Variants in NHERF2 observed in about 807,000 individuals in gnomAD.
NHERF2 encodes NHERF family PDZ scaffold protein 2, also known as Na(+)/H(+) exchange regulatory cofactor NHE-RF2.
At chr16:2,032,014 C>T in the NHERF2 span, among the ~76,000 whole-genome samples, 2 of 147,640 alleles carry the variant, frequency 1.4e-5, no homozygotes. This position sits in a 1 kb window ranked among gnomAD's most constrained non-coding sequence, Gnocchi z 4.0. Flanking sequence ...GGTTTCATTT[C>T]TTTCTTTCTT....
At chr16:2,031,942 T>C in the NHERF2 span, among the ~76,000 whole-genome samples, 1 of 151,910 alleles carries the variant, frequency 6.6e-6, no homozygotes, top group African/African-American at 2.4e-5. Flanking sequence ...TCTGCCCTCC[T>C]CGACCTCCCA....
At chr16:2,038,014 GA>G in the NHERF2 span, 1 of 1,612,024 alleles carries the variant, frequency 6.2e-7, no homozygotes, top group Non-Finnish European at 8.5e-7. Context: ...GGGACCCTGG[GA>G]CCCCTCCCGC....
chr16:2,036,600 T>C, the NHERF2 span: 1 of 1,521,230 alleles, frequency 6.6e-7, no homozygotes, highest in Non-Finnish European at 8.8e-7. Flanking sequence ...GCTGGGAACC[T>C]GAGCTGGTGC....
the NHERF2 span, chr16:2,038,400 ACCCCCCCCCTTC>A: frequency 3.0e-5 from 10 of 334,708 alleles, no homozygotes; most frequent in South Asian, 1.4e-4. Flanking sequence ...AATACCAGAG[ACCCCCCCCCTTC>A]CCCTCCCCCT....
the NHERF2 span, chr16:2,037,870 C>G: frequency 1.2e-6 from 2 of 1,604,460 alleles, no homozygotes; most frequent in East Asian, 4.5e-5. Flanking sequence ...AGAGCGGCCT[C>G]CACCTGAGCC....
chr16:2,036,865 C>T, the NHERF2 span: 59 of 1,610,432 alleles, frequency 3.7e-5, no homozygotes, highest in Middle Eastern at 1.7e-4. Context: ...TCACACCCAC[C>T]GAGGAGCACG....
chr16:2,028,524 A>G, the NHERF2 span, among the ~76,000 whole-genome samples: 1 of 152,200 alleles, frequency 6.6e-6, no homozygotes, highest in African/African-American at 2.4e-5. Flanking sequence ...AGGGGCAGTT[A>G]CTGCCCCATT....
chr16:2,032,819 G>T, the NHERF2 span: 1 of 997,400 alleles, frequency 1.0e-6, no homozygotes, highest in African/African-American at 1.7e-5. This position sits in a 1 kb window ranked among gnomAD's most constrained non-coding sequence, Gnocchi z 4.0. Context: ...GGCCAGCGGT[G>T]CCAGGCCCTG....
the NHERF2 span, chr16:2,037,544 G>C: frequency 6.2e-7 from 1 of 1,611,350 alleles, no homozygotes. Flanking sequence ...CCAGCTCAAT[G>C]GTGGCTCTGC....
the NHERF2 span, among the ~76,000 whole-genome samples, chr16:2,035,195 G>A: frequency 6.6e-6 from 1 of 152,144 alleles, no homozygotes; most frequent in Admixed American, 6.5e-5. Flanking sequence ...TGAGCCCAGG[G>A]GACAGAGCAC....
the NHERF2 span, among the ~76,000 whole-genome samples, chr16:2,033,733 C>T: frequency 2.6e-5 from 4 of 152,016 alleles, no homozygotes; most frequent in East Asian, 1.9e-4. Flanking sequence ...TGGCGGGAGG[C>T]GGCAGGAAGT....
chr16:2,029,755 C>T, the NHERF2 span: 1 of 1,553,834 alleles, frequency 6.4e-7, no homozygotes, highest in Non-Finnish European at 8.7e-7. Flanking sequence ...CACACACCGG[C>T]AGCCACAGCT....
At chr16:2,028,106 AC>A in the NHERF2 span, among the ~76,000 whole-genome samples, 6 of 152,080 alleles carry the variant, frequency 3.9e-5, no homozygotes, top group South Asian at 1.2e-3. Context: ...GCGTCCACAC[AC>A]CCCTTTTCCT....
At chr16:2,031,138 C>T in the NHERF2 span, among the ~76,000 whole-genome samples, 3 of 152,258 alleles carry the variant, frequency 2.0e-5, no homozygotes, top group East Asian at 3.9e-4. Context: ...GAGCTGAGCC[C>T]GGGGGGAGCG....
the NHERF2 span, chr16:2,035,633 A>C: frequency 1.0e-6 from 1 of 986,174 alleles, no homozygotes; most frequent in Non-Finnish European, 1.2e-6. Context: ...GGAGGTGGTC[A>C]TTGGGCCTGG....
At chr16:2,032,054 C>T in the NHERF2 span, among the ~76,000 whole-genome samples, 5 of 148,408 alleles carry the variant, frequency 3.4e-5, no homozygotes, top group African/African-American at 1.0e-4. This position sits in a 1 kb window ranked among gnomAD's most constrained non-coding sequence, Gnocchi z 4.0. Flanking sequence ...GAGTTTCACT[C>T]TGTCGCCCAG....
chr16:2,035,788 C>G, the NHERF2 span: 2,136 of 695,026 alleles, frequency 3.1e-3, 6 homozygotes, highest in Non-Finnish European at 3.5e-3. Flanking sequence ...CTGCCCCAGC[C>G]CCTGCTTGCT....
At chr16:2,029,676 G>C in the NHERF2 span, 1 of 1,563,748 alleles carries the variant, frequency 6.4e-7, no homozygotes. Context: ...CAGCTGACCT[G>C]TACCGAGGAG....
At chr16:2,033,511 C>T in the NHERF2 span, 8 of 1,408,808 alleles carry the variant, frequency 5.7e-6, no homozygotes, top group East Asian at 2.6e-5. Flanking sequence ...GAGGGGACTC[C>T]GGGACCTTGA....
Sources: gnomAD v4.1 joint callset for allele counts (sites outside exome capture counted in the v4.1 genomes callset) on GRCh38, gnomAD v4.1.1 for gene constraint, Gnocchi (gnomAD v3.1) non-coding constraint, MANE v1.5 for transcripts, NCBI Gene and HGNC (gene_info 2026-07-23, HGNC 2026-07-21) for gene names.